Variants in CELF1 observed in about 807,000 individuals in gnomAD.
CELF1 encodes 50 kDa nuclear polyadenylated RNA-binding protein.
CELF1 carries 10 observed loss-of-function variants against 61.8 expected under a neutral mutation model. That is an observed-to-expected ratio of 0.16 (90% confidence interval 0.10 to 0.27). CELF1 has a LOEUF of 0.27. Ranked by LOEUF, CELF1 falls within the 10% of genes least tolerant of loss-of-function variation. CELF1 has a pLI of 1.00. For synonymous variants in CELF1, 236 were observed against 225.1 expected, an observed-to-expected ratio of 1.05 and a Z score of -0.43; for missense variants, 380 against 639.1, an observed-to-expected ratio of 0.59 and a Z score of 4.37.
upstream of CELF1, among the ~76,000 whole-genome samples, chr11:47,553,448 C>T (rs74529160): frequency 0.033 from 4,997 of 152,310 alleles, 280 homozygotes; most frequent in African/African-American, 0.11. Context: ...CGACTCCGCC[C>T]ATCGCACCCA....
At chr11:47,539,909 G>C (rs1318999696) in intron 1 of CELF1, among the ~76,000 whole-genome samples, 3 of 152,180 alleles carry the variant, frequency 2.0e-5, no homozygotes, top group Non-Finnish European at 1.5e-5. Flanking sequence ...CTGCATACCA[G>C]CATCTGATTT....
At chr11:47,558,448 TATATA>T (rs1425645869) in intron 2 of CELF1, among the ~76,000 whole-genome samples, 2 of 131,046 alleles carry the variant, frequency 1.5e-5, no homozygotes, top group Non-Finnish European at 3.1e-5. Context: ...ATTATATATA[TATATA>T]ATATATTAGA....
intron 1 of CELF1, among the ~76,000 whole-genome samples, chr11:47,527,788 CAACT>C (rs1197725390): frequency 6.6e-6 from 1 of 152,070 alleles, no homozygotes; most frequent in Non-Finnish European, 1.5e-5. Context: ...TGTGTGAAGG[CAACT>C]AAGTAAAAAT....
chr11:47,477,473 T>C (rs1192877355), intron 10 of CELF1, 48 bp from the exon 11 acceptor site: 3 of 1,599,814 alleles, frequency 1.9e-6, no homozygotes, highest in Non-Finnish European at 2.6e-6. Context: ...GGGTGCTTCA[T>C]ATCCATTCCA....
At chr11:47,519,294 C>T (rs958371855) in intron 1 of CELF1, among the ~76,000 whole-genome samples, 2 of 151,920 alleles carry the variant, frequency 1.3e-5, no homozygotes, top group Non-Finnish European at 2.9e-5. Context: ...GCCTGGCCAA[C>T]GGGGTGAAAC....
chr11:47,502,488 A>T (rs553700707), intron 1 of CELF1, among the ~76,000 whole-genome samples: 1 of 152,256 alleles, frequency 6.6e-6, no homozygotes, highest in South Asian at 2.1e-4. Flanking sequence ...AAAGTTATTC[A>T]CAAAAAACTG....
chr11:47,552,166 G>A (rs2097155050), intron 1 of CELF1, among the ~76,000 whole-genome samples: 1 of 152,170 alleles, frequency 6.6e-6, no homozygotes, highest in Non-Finnish European at 1.5e-5. Flanking sequence ...CTCCTGGCGA[G>A]AAAGAGATTC....
chr11:47,485,645 G>T (rs1260495400), intron 6 of CELF1, among the ~76,000 whole-genome samples: 1 of 150,948 alleles, frequency 6.6e-6, no homozygotes, highest in Non-Finnish European at 1.5e-5. Flanking sequence ...GCAGTGGCAC[G>T]ATCTCAGCAT....
chr11:47,553,942 C>A (rs1002179727), upstream of CELF1, among the ~76,000 whole-genome samples: 21 of 151,918 alleles, frequency 1.4e-4, no homozygotes, highest in African/African-American at 5.1e-4. Flanking sequence ...TTTAAGCCAA[C>A]ATTTATTCCT....
chr11:47,533,631 A>ATAAATACATACATAC (rs1555188496), intron 1 of CELF1, among the ~76,000 whole-genome samples: 7 of 29,398 alleles, frequency 2.4e-4, no homozygotes, highest in Admixed American at 1.1e-3. Flanking sequence ...TCAAAAAATA[A>ATAAATACATACATAC]ATAAATACAT....
At chr11:47,477,567 G>A in intron 10 of CELF1, 142 bp from the exon 11 acceptor site, 2 of 750,374 alleles carry the variant, frequency 2.7e-6, no homozygotes, top group Non-Finnish European at 4.2e-6. Flanking sequence ...AACATTACAG[G>A]GCTCCAAAAA....
chr11:47,487,074 G>T (rs1255307908), intron 5 of CELF1, 85 bp downstream of exon 5: 2 of 1,101,044 alleles, frequency 1.8e-6, no homozygotes, highest in African/African-American at 1.6e-5. Flanking sequence ...CCCCAAAATG[G>T]TTTTCAGTGT....
chr11:47,483,106 A>T (rs77640236), intron 8 of CELF1, among the ~76,000 whole-genome samples: 1 of 150,748 alleles, frequency 6.6e-6, no homozygotes, highest in East Asian at 2.0e-4. Flanking sequence ...TTAAAAAAAA[A>T]TACAAAAATT....
chr11:47,484,394 C>T lies in CELF1; in HGVS notation c.521G>A (p.Ser174Asn). ...TAAAAGCTAAAACTACCTACCTCGGCTCAGGCCATCAGGTCCCCGCAATAT... is the reference window on the plus strand; with the variant it reads ...TAAAAGCTAAAACTACCTACCTCGGTTCAGGCCATCAGGTCCCCGCAATAT... ...CRILRGPDGLSRGCAFVTFTT... is the reference protein window; with the variant it reads ...CRILRGPDGLNRGCAFVTFTT... Residue 174 changes from serine (S) to asparagine (N), a missense_variant, in exon 7 of 15, where the codon AGC becomes AAC. Physicochemically the swap from Ser to Asn is conservative, Grantham distance 46. Transcript: ENST00000687097. 6 of 1,611,930 alleles carry T rather than the reference C, an allele frequency of 3.7e-6. No homozygotes were observed. The highest frequency in any genetic ancestry group is 5.1e-6 in the Non-Finnish European group (6 of 1,179,432).
chr11:47,480,090 T>G (rs115120139), intron 9 of CELF1, among the ~76,000 whole-genome samples: 5,957 of 134,536 alleles, frequency 0.044, 392 homozygotes, highest in African/African-American at 0.17. Context: ...ACGTCTACAC[T>G]TTTTTTTTTT....
At chr11:47,555,438 G>A (rs1397810141), upstream of CELF1, among the ~76,000 whole-genome samples, 1 of 152,160 alleles carries the variant, frequency 6.6e-6, no homozygotes, top group Non-Finnish European at 1.5e-5. Flanking sequence ...TTGACTTAGG[G>A]CTCCCATTTG....
intron 1 of CELF1, among the ~76,000 whole-genome samples, chr11:47,505,764 T>A (rs1481230937): frequency 6.8e-6 from 1 of 147,638 alleles, no homozygotes; most frequent in Non-Finnish European, 1.5e-5. Flanking sequence ...CTGTCTCTAC[T>A]AAAAATACAA....
In CELF1 at chr11:47,563,356, A is replaced by T. The variant is rs140887480; in HGVS notation, c.-11+995T>A. Among the ~76,000 whole-genome samples, 100 of 152,310 alleles carry T rather than the reference A, an allele frequency of 6.6e-4. 1 individual carries two copies. The highest frequency in any genetic ancestry group is 2.4e-3 in the African/African-American group (98 of 41,566). On this transcript the variant is annotated intron_variant, in intron 2 of 3. Coordinates refer to the CELF1 transcript ENST00000525841. The stretch of plus-strand genomic sequence containing the variant: ...TGGGAGAAAATGGTGAGTCTCTGCT[A>T]ATTCATAAGGGGCTTATTTTGAGGG...
intron 1 of CELF1, among the ~76,000 whole-genome samples, chr11:47,546,992 G>A (rs917846176): frequency 1.4e-5 from 2 of 140,554 alleles, no homozygotes; most frequent in East Asian, 2.3e-4. Flanking sequence ...ACTTGAACCC[G>A]GGAGGCAGAG....
Sources: allele counts gnomAD v4.1 joint callset (sites outside exome capture counted in the v4.1 genomes callset), GRCh38; gene constraint gnomAD v4.1.1; transcripts MANE v1.5; gene names NCBI Gene and HGNC (gene_info 2026-07-23, HGNC 2026-07-21).